Variants in KCNH5 observed in about 807,000 individuals in gnomAD.
KCNH5 encodes the protein potassium voltage-gated channel subfamily H member 5, also known as voltage-gated delayed rectifier potassium channel KCNH5.
KCNH5 carries 46 observed loss-of-function variants against 96.1 expected under a neutral mutation model. That is an observed-to-expected ratio of 0.48 (90% CI 0.38 to 0.61). The LOEUF is 0.61. Among genes scored for constraint, KCNH5 ranks in the 20% least tolerant of loss-of-function variants. The pLI, the probability that KCNH5 is intolerant of heterozygous loss-of-function variation, is 0.00. For missense variants in KCNH5, 907 were observed against 1,225.8 expected (o/e 0.74, Z 3.88); for synonymous variants, 439 against 449.8 (o/e 0.98, Z 0.30).
intron 6 of KCNH5, among the ~76,000 whole-genome samples, chr14:62,971,439 T>G (rs1890405909): frequency 6.6e-6 from 1 of 152,128 alleles, no homozygotes; most frequent in African/African-American, 2.4e-5. Context: ...CTTCTCAAAA[T>G]GAACTAGAGA....
chr14:62,907,704 G>A (rs904744225), intron 7 of KCNH5, among the ~76,000 whole-genome samples: 3 of 152,184 alleles, frequency 2.0e-5, no homozygotes, highest in Admixed American at 1.3e-4. Flanking sequence ...TAGTCATTCC[G>A]TTTTGTCATT....
In KCNH5 at chr14:62,802,491, C is replaced by T; in HGVS notation, c.1660G>A (p.Ala554Thr). Residue 554 changes from alanine (A) to threonine (T), a missense_variant, in exon 9 of 11, where the codon GCC (alanine) becomes ACC (threonine). Ala to Thr is a moderately conservative substitution (Grantham distance 58). Around this residue, in one of 6 missense-constraint regions of KCNH5, gnomAD observed 95 missense variants for 111.8 expected, o/e 0.85. Coordinates refer to ENST00000322893, the MANE Select transcript of KCNH5 (RefSeq NM_139318.5). ...AAGGCGCGCAGACACCCATCGCTGG[C>T]CAATCGAAAAGCAGGATGTTCATTA... is the stretch of plus-strand genomic sequence containing the variant. ...VFNEHPAFRL[A>T]SDGCLRALAV... is the part of the protein sequence containing the mutation. 6.2e-7 allele frequency: 1 copy of T among 1,614,082 alleles called. No homozygotes were observed. Among genetic ancestry groups the T allele is most frequent in the Non-Finnish European group, 8.5e-7 (1 of 1,179,994 alleles).
chr14:62,720,276 T>C (rs1454221131), intron 10 of KCNH5, among the ~76,000 whole-genome samples: 1 of 152,072 alleles, frequency 6.6e-6, no homozygotes, highest in Non-Finnish European at 1.5e-5. Flanking sequence ...GGACTTCAGA[T>C]TTTACCTGTG....
Position 62,707,595 on chromosome 14 carries a change from T to C in KCNH5, c.2880A>G (p.Gln960=), listed in dbSNP as rs770332432. 5 of 1,536,764 alleles carry C rather than the reference T, an allele frequency of 3.3e-6. No homozygotes were observed. The highest frequency in any genetic ancestry group is 8.8e-7 in the Non-Finnish European group (1 of 1,139,494). Residue 960 remains glutamine, a synonymous_variant, in exon 11 of 11, where the codon CAA becomes CAG. Transcript: ENST00000322893. ...ASSPKSQMPL[Q]VPPQIPCQDI... is the part of the protein sequence containing the mutation. ...CCTGACATGGTATCTGGGGGGGTAC[T>C]TGGAGTGGCATTTGGGATTTGGGAG... is the stretch of plus-strand genomic sequence containing the variant.
Position 62,891,651 on chromosome 14 carries a change from G to A in KCNH5, c.1370-41799C>T, listed in dbSNP as rs149214988. On this transcript the variant is annotated intron_variant, in intron 7 of 10. Transcript: ENST00000322893. ...TTTATTGTGCTTCACAAATACTGTC[G>A]TTTTGCAAATTAAAGGTTGTGGCAG... Among the ~76,000 whole-genome samples the A allele has an allele frequency of 1.3e-4, 20 of 151,972 alleles. No homozygotes were observed. In the East Asian group the frequency reaches 3.3e-3, roughly 25 times the overall value.
chr14:62,980,408 G>A (rs1047834878), intron 6 of KCNH5, among the ~76,000 whole-genome samples: 2 of 152,180 alleles, frequency 1.3e-5, no homozygotes, highest in African/African-American at 4.8e-5. Context: ...TGTCTTGAGA[G>A]GAGGAGTCAA....
At chr14:62,834,807 A>G (rs1247660968) in intron 8 of KCNH5, among the ~76,000 whole-genome samples, 1 of 152,056 alleles carries the variant, frequency 6.6e-6, no homozygotes, top group Non-Finnish European at 1.5e-5. Context: ...TAATACGTCC[A>G]CAAATAATGT....
intron 2 of KCNH5, among the ~76,000 whole-genome samples, chr14:63,013,526 T>A (rs1203282457): frequency 1.3e-5 from 2 of 152,124 alleles, no homozygotes; most frequent in African/African-American, 4.8e-5. Context: ...TTCCACACAC[T>A]ATAATAACTT....
At chr14:62,818,522 T>C (rs561873101) in intron 8 of KCNH5, among the ~76,000 whole-genome samples, 1 of 152,116 alleles carries the variant, frequency 6.6e-6, no homozygotes, top group South Asian at 2.1e-4. Context: ...ATGTATCAAG[T>C]CTTGAAGAAC....
At chr14:62,728,968 C>T (rs563482176) in intron 10 of KCNH5, among the ~76,000 whole-genome samples, 26 of 152,246 alleles carry the variant, frequency 1.7e-4, no homozygotes, top group East Asian at 1.2e-3. Flanking sequence ...CAAGTGTTCT[C>T]GAGACTAAGA....
chr14:63,034,245 G>C (rs781658686), intron 1 of KCNH5, among the ~76,000 whole-genome samples: 3 of 152,104 alleles, frequency 2.0e-5, no homozygotes, highest in Non-Finnish European at 4.4e-5. Context: ...GTGTCTTCTG[G>C]ATGAATGATA....
intron 8 of KCNH5, among the ~76,000 whole-genome samples, chr14:62,814,219 G>GA (rs140068227): frequency 0.017 from 2,538 of 152,128 alleles, 75 homozygotes; most frequent in African/African-American, 0.058. Flanking sequence ...ATTCTACCAG[G>GA]TTTTTCACAA....
chr14:62,796,610 T>A (rs1320056113), intron 9 of KCNH5, among the ~76,000 whole-genome samples: 1 of 152,180 alleles, frequency 6.6e-6, no homozygotes, highest in Non-Finnish European at 1.5e-5. Context: ...ACTAAGATGG[T>A]AGTCATGGCC....
chr14:62,799,194 A>G (rs1373054509), intron 9 of KCNH5, among the ~76,000 whole-genome samples: 1 of 152,192 alleles, frequency 6.6e-6, no homozygotes, highest in African/African-American at 2.4e-5. Flanking sequence ...ATAAACCACA[A>G]GAGATGCAAG....
chr14:62,939,816 C>T (rs530472340), intron 7 of KCNH5, among the ~76,000 whole-genome samples: 14 of 151,938 alleles, frequency 9.2e-5, no homozygotes, highest in Admixed American at 1.3e-4. Flanking sequence ...GGTGCATGCC[C>T]GTAACCCCAG....
intron 10 of KCNH5, among the ~76,000 whole-genome samples, chr14:62,754,590 G>A (rs1054565002): frequency 1.3e-5 from 2 of 151,718 alleles, no homozygotes; most frequent in Non-Finnish European, 2.9e-5. Context: ...AAAAAAAATA[G>A]AGCCAGGAAT....
intron 10 of KCNH5, among the ~76,000 whole-genome samples, chr14:62,754,305 C>T (rs140050537): frequency 6.6e-6 from 1 of 151,616 alleles, no homozygotes; most frequent in Non-Finnish European, 1.5e-5. Flanking sequence ...AAAAAAATCA[C>T]CTATACTAAA....
At chr14:62,990,298 A>T (rs1890785480) in intron 4 of KCNH5, among the ~76,000 whole-genome samples, 1 of 152,054 alleles carries the variant, frequency 6.6e-6, no homozygotes, top group Non-Finnish European at 1.5e-5. Flanking sequence ...TTCCATTTGA[A>T]GCATCATGAG....
At chr14:62,926,149 T>C (rs888658630) in intron 7 of KCNH5, among the ~76,000 whole-genome samples, 31 of 152,072 alleles carry the variant, frequency 2.0e-4, no homozygotes, top group African/African-American at 7.2e-4. Context: ...GAAAAATAAA[T>C]GATGCAAGGA....
Sources: allele counts gnomAD v4.1 joint callset (sites outside exome capture counted in the v4.1 genomes callset), GRCh38; gene constraint gnomAD v4.1.1; regional missense constraint gnomAD v4.1.1; transcripts MANE v1.5; gene names NCBI Gene and HGNC (gene_info 2026-07-23, HGNC 2026-07-21).